Variants in ST7 observed in about 807,000 individuals in gnomAD.
ST7 encodes the protein suppression of tumorigenicity 7.
A neutral mutation model predicts 78.7 loss-of-function variants in ST7; 28 were observed. The ratio of observed to expected loss-of-function variants is 0.36; its 90% CI spans 0.26 to 0.49. The LOEUF (loss-of-function observed/expected upper bound fraction) is 0.49. Among genes scored for constraint, ST7 ranks in the 20% least tolerant of loss-of-function variants. The probability of loss-of-function intolerance (pLI) is 0.99; values close to 1 mark genes in which losing one functional copy is unlikely to be tolerated. For synonymous variants in ST7, 247 were observed against 249.6 expected, an observed-to-expected ratio of 0.99 and a Z score of 0.10; for missense variants, 418 against 696.0, an observed-to-expected ratio of 0.60 and a Z score of 4.49.
chr7:117,126,341 C>T (rs1385404030), intron 3 of ST7, among the ~76,000 whole-genome samples: 1 of 151,814 alleles, frequency 6.6e-6, no homozygotes, highest in Non-Finnish European at 1.5e-5. Flanking sequence ...ATTAAAAGCT[C>T]TGTGACTATA....
At chr7:117,033,644 G>A (rs1239150461) in intron 1 of ST7, among the ~76,000 whole-genome samples, 4 of 152,084 alleles carry the variant, frequency 2.6e-5, no homozygotes, top group South Asian at 2.1e-4. Context: ...GTCTGGTCTC[G>A]AACCTTTGAC....
chr7:117,138,381 G>T, intron 8 of ST7, 54 bp from the exon 9 acceptor site: 1 of 1,211,240 alleles, frequency 8.3e-7, no homozygotes, highest in East Asian at 2.6e-5. Flanking sequence ...AGGCAAATGG[G>T]CCTCTGTATT....
chr7:117,225,631 G>GC (rs1793393075), intron 15 of ST7, among the ~76,000 whole-genome samples: 1 of 152,138 alleles, frequency 6.6e-6, no homozygotes, highest in Non-Finnish European at 1.5e-5. Context: ...TATCGCAACT[G>GC]CCCTAGAGGC....
At chr7:116,975,346 T>C (rs951893206) in intron 1 of ST7, among the ~76,000 whole-genome samples, 9 of 152,178 alleles carry the variant, frequency 5.9e-5, no homozygotes, top group Non-Finnish European at 1.2e-4. Flanking sequence ...GGAGCTACAA[T>C]TAAAGATGAG....
intron 10 of ST7, chr7:117,187,847 C>G (rs1809409773): frequency 6.6e-6 from 1 of 151,926 alleles, no homozygotes; most frequent in African/African-American, 2.4e-5. Flanking sequence ...ATGAGTATAC[C>G]CTAGAAAACA....
chr7:116,988,680 TG>T lies in ST7; in HGVS notation c.151+34990del, dbSNP rs370124896. 1.9e-4 allele frequency among the ~76,000 whole-genome samples: 29 copies of T among 152,356 alleles called. No homozygotes were observed. The East Asian group carries it at 3.5e-3, about 18-fold the overall frequency. ...TGAAGGTAGTGATTAAAATGATTGT[TG>T]TGTTCTGATTAAATATGGAAGCATA... On this transcript the variant is annotated intron_variant, in intron 1 of 15. Transcript: ENST00000323984.
At chr7:117,155,032 A>T (rs1293732347) in intron 9 of ST7, among the ~76,000 whole-genome samples, 1 of 152,170 alleles carries the variant, frequency 6.6e-6, no homozygotes, top group Non-Finnish European at 1.5e-5. Flanking sequence ...GACATGAATG[A>T]TAAAGGCAGT....
At chr7:116,976,961 A>T (rs1793734827) in intron 1 of ST7, among the ~76,000 whole-genome samples, 1 of 152,214 alleles carries the variant, frequency 6.6e-6, no homozygotes. Flanking sequence ...TTCATTTTAA[A>T]AGATTAGTTT....
At chr7:117,073,550 G>A (rs1799128821) in intron 1 of ST7, among the ~76,000 whole-genome samples, 1 of 152,192 alleles carries the variant, frequency 6.6e-6, no homozygotes, top group Admixed American at 6.5e-5. Context: ...AGCTTGTTGT[G>A]GAGGGCAGTG....
chr7:117,044,862 G>GC (rs1797413338), intron 1 of ST7, among the ~76,000 whole-genome samples: 1 of 152,128 alleles, frequency 6.6e-6, no homozygotes. Flanking sequence ...CAGTTGCCTA[G>GC]TCAGCATCTT....
intron 1 of ST7, among the ~76,000 whole-genome samples, chr7:117,013,069 C>G (rs1795450930): frequency 6.6e-6 from 1 of 152,154 alleles, no homozygotes; most frequent in African/African-American, 2.4e-5. Context: ...AATAATGCTA[C>G]TCAGATAATT....
chr7:117,103,597 A>T (rs150141818), intron 2 of ST7, among the ~76,000 whole-genome samples: 4 of 151,256 alleles, frequency 2.6e-5, no homozygotes, highest in Admixed American at 6.6e-5. Context: ...GCAAAATCAA[A>T]TCAAAATGGA....
At chr7:117,205,831 AAGGAAGTTAG>A (rs1236686058) in intron 12 of ST7, among the ~76,000 whole-genome samples, 3 of 152,216 alleles carry the variant, frequency 2.0e-5, no homozygotes, top group Non-Finnish European at 2.9e-5. Context: ...TTTATCTGGG[AAGGAAGTTAG>A]AGGCAGGATG....
chr7:117,091,048 C>T (rs112127921), intron 1 of ST7, among the ~76,000 whole-genome samples: 1 of 152,214 alleles, frequency 6.6e-6, no homozygotes, highest in Non-Finnish European at 1.5e-5. Flanking sequence ...CCCAGTACAG[C>T]AGAAACAGTG....
chr7:116,973,467 G>C (rs1477756915), intron 1 of ST7, among the ~76,000 whole-genome samples: 5 of 152,166 alleles, frequency 3.3e-5, no homozygotes, highest in African/African-American at 1.2e-4. Flanking sequence ...ATGTTGCCCA[G>C]ACTGACCTCA....
intron 5 of ST7, among the ~76,000 whole-genome samples, chr7:117,131,066 T>A (rs367940660): frequency 4.6e-5 from 7 of 151,924 alleles, no homozygotes; most frequent in Admixed American, 1.3e-4. Context: ...GGAGTCTAGA[T>A]GTGTGTTCCA....
chr7:116,975,559 C>A (rs1348020458), intron 1 of ST7, among the ~76,000 whole-genome samples: 1 of 151,956 alleles, frequency 6.6e-6, no homozygotes, highest in Non-Finnish European at 1.5e-5. Flanking sequence ...AGGTGCCTGG[C>A]TCCACACCTG....
intron 1 of ST7, among the ~76,000 whole-genome samples, chr7:117,078,187 G>A (rs954214386): frequency 1.3e-5 from 2 of 152,206 alleles, no homozygotes; most frequent in Non-Finnish European, 2.9e-5. Flanking sequence ...GAAGGACAGA[G>A]AGAAGAACTC....
At chr7:117,154,898 TGGA>T (rs1314875523) in intron 9 of ST7, among the ~76,000 whole-genome samples, 7 of 151,894 alleles carry the variant, frequency 4.6e-5, no homozygotes, top group Admixed American at 4.6e-4. Context: ...GGCTCTAGGT[TGGA>T]GAAGGGAGGA....
Sources: allele counts gnomAD v4.1 joint callset (sites outside exome capture counted in the v4.1 genomes callset), GRCh38; gene constraint gnomAD v4.1.1; transcripts MANE v1.5; gene names NCBI Gene and HGNC (gene_info 2026-07-23, HGNC 2026-07-21).